PSD3: variants seen among roughly 807,000 people sequenced by gnomAD.
PSD3 encodes PH and SEC7 domain-containing protein 3.
In PSD3, 49 loss-of-function variants were observed where a neutral mutation model predicts 105.5. The ratio of observed to expected loss-of-function variants is 0.46; its 90% confidence interval spans 0.37 to 0.59. The LOEUF is 0.59. Among genes scored for constraint, PSD3 ranks in the 20% least tolerant of loss-of-function variants. The pLI is 0.00. For synonymous variants in PSD3, 557 were observed against 457.8 expected, an observed-to-expected ratio of 1.22 and a Z score of -2.77; for missense variants, 1,561 against 1,263.8, an observed-to-expected ratio of 1.24 and a Z score of -3.57.
intron 1 of PSD3, among the ~76,000 whole-genome samples, chr8:19,046,345 C>T (rs751147785): frequency 6.6e-6 from 1 of 152,008 alleles, no homozygotes; most frequent in Non-Finnish European, 1.5e-5. Flanking sequence ...CTCCTGACCT[C>T]GTGATCTGCC....
intron 4 of PSD3, among the ~76,000 whole-genome samples, chr8:18,847,597 G>A (rs759048645): frequency 2.6e-5 from 4 of 152,198 alleles, no homozygotes; most frequent in Non-Finnish European, 4.4e-5. Context: ...ATTTCGTACC[G>A]TCAAGTAATG....
At chr8:18,708,673 G>A (rs1470256963) in intron 9 of PSD3, among the ~76,000 whole-genome samples, 1 of 152,082 alleles carries the variant, frequency 6.6e-6, no homozygotes, top group Non-Finnish European at 1.5e-5. Flanking sequence ...TAAAAGAAAT[G>A]CTAGTCAAGA....
intron 4 of PSD3, among the ~76,000 whole-genome samples, chr8:18,842,430 T>C (rs909900275): frequency 2.6e-5 from 4 of 152,204 alleles, no homozygotes; most frequent in Non-Finnish European, 2.9e-5. Context: ...GATAAATAGC[T>C]CTCACAAAAT....
intron 10 of PSD3, among the ~76,000 whole-genome samples, chr8:18,654,548 C>A (rs749970813): frequency 1.3e-5 from 2 of 152,090 alleles, no homozygotes; most frequent in Non-Finnish European, 2.9e-5. Context: ...AAATTTTGAA[C>A]TGCTATATTG....
chr8:18,837,167 G>A (rs1467783711), intron 4 of PSD3, among the ~76,000 whole-genome samples: 1 of 151,974 alleles, frequency 6.6e-6, no homozygotes, highest in East Asian at 1.9e-4. Context: ...CCAAAAAGTG[G>A]ATGGCTTATC....
chr8:18,667,776 G>A (rs1309435072), intron 9 of PSD3, among the ~76,000 whole-genome samples: 1 of 152,182 alleles, frequency 6.6e-6, no homozygotes, highest in Non-Finnish European at 1.5e-5. Context: ...GCCCATGGCG[G>A]GGTGGGGGAG....
chr8:18,833,415 G>A (rs1813840716), intron 4 of PSD3, among the ~76,000 whole-genome samples: 1 of 152,162 alleles, frequency 6.6e-6, no homozygotes. Flanking sequence ...CAATAGGCCA[G>A]TACCATTTAT....
intron 4 of PSD3, among the ~76,000 whole-genome samples, chr8:18,853,221 AT>A (rs1196217662): frequency 1.3e-5 from 2 of 152,172 alleles, no homozygotes; most frequent in Admixed American, 1.3e-4. Flanking sequence ...AAATGGCATT[AT>A]AAAAATACTG....
intron 11 of PSD3, among the ~76,000 whole-genome samples, chr8:18,617,842 G>A (rs994762573): frequency 6.6e-6 from 1 of 152,046 alleles, no homozygotes; most frequent in African/African-American, 2.4e-5. Flanking sequence ...ATCACATGAT[G>A]GATAGCAGGT....
intron 9 of PSD3, among the ~76,000 whole-genome samples, chr8:18,685,039 G>C (rs1800590067): frequency 6.6e-6 from 1 of 152,156 alleles, no homozygotes. Context: ...TCCAGATAAA[G>C]GAGGCTTTCG....
At position 18,575,238 on chromosome 8, in the gene PSD3, G is replaced by A. The variant is rs780183111; in HGVS notation, c.2529C>T (p.Asn843=). 21 of 1,612,988 alleles carry A rather than the reference G, an allele frequency of 1.3e-5. No homozygotes were observed. Among genetic ancestry groups the A allele is most frequent in the Middle Eastern group, 1.6e-4 (1 of 6,080 alleles). ...EKALSEEDLK[N]AVSVHHALAS... ...CCAATGCGTGGTGCACACTCACAGC[G>A]TTTTTCAAGTCCTCTTCAGACAAGG... Residue 843 remains asparagine (N), a synonymous_variant, in exon 13 of 16, where the codon AAC becomes AAT. Coordinates refer to ENST00000327040, the MANE Select transcript of PSD3 (RefSeq NM_015310.4).
intron 4 of PSD3, among the ~76,000 whole-genome samples, chr8:18,817,003 A>G (rs1812272126): frequency 6.6e-6 from 1 of 152,206 alleles, no homozygotes; most frequent in Non-Finnish European, 1.5e-5. Flanking sequence ...AGCTATCTTC[A>G]GATCATTTCA....
At chr8:19,005,689 A>G (rs770913808) in intron 1 of PSD3, among the ~76,000 whole-genome samples, 3 of 151,790 alleles carry the variant, frequency 2.0e-5, no homozygotes, top group Non-Finnish European at 4.4e-5. Flanking sequence ...GTCTCACTCT[A>G]TGTTGCCCAG....
chr8:18,843,469 A>G (rs1055123068), intron 4 of PSD3, among the ~76,000 whole-genome samples: 2 of 152,188 alleles, frequency 1.3e-5, no homozygotes, highest in African/African-American at 4.8e-5. Context: ...CCTTCATATA[A>G]CGAAGTAATA....
chr8:18,679,730 T>A (rs1363610858), intron 9 of PSD3, among the ~76,000 whole-genome samples: 1 of 152,192 alleles, frequency 6.6e-6, no homozygotes. Context: ...GGATGCGGCA[T>A]CCTGACTGAG....
At position 18,648,229 on chromosome 8, in the gene PSD3, A is replaced by G. The variant is rs186249890; in HGVS notation, c.2216+7413T>C. ...TCAGAAGATGACAGGAAGATGAGGG[A>G]AAGTTTGAGACTTCCTAGAGGCTTC... is the stretch of plus-strand genomic sequence containing the variant. On this transcript the variant is annotated intron_variant, in intron 10 of 15. Transcript: ENST00000327040. 7.9e-4 allele frequency among the ~76,000 whole-genome samples: 120 copies of G among 152,330 alleles called. 2 individuals carry two copies. The East Asian group carries it at 9.4e-3, about 12-fold the overall frequency.
intron 1 of PSD3, among the ~76,000 whole-genome samples, chr8:19,050,600 A>G (rs1828494865): frequency 6.6e-6 from 1 of 151,934 alleles, no homozygotes; most frequent in South Asian, 2.1e-4. Context: ...AAAACCAAAC[A>G]CCGCATATTC....
At chr8:18,869,048 T>C (rs1193442535) in intron 3 of PSD3, among the ~76,000 whole-genome samples, 2 of 152,188 alleles carry the variant, frequency 1.3e-5, no homozygotes, top group Non-Finnish European at 2.9e-5. Context: ...AATTGGTTTG[T>C]TGTTTTTAAA....
At chr8:18,894,724 C>T (rs899601953) in intron 2 of PSD3, among the ~76,000 whole-genome samples, 3 of 152,144 alleles carry the variant, frequency 2.0e-5, no homozygotes, top group African/African-American at 4.8e-5. Context: ...GCTACATTCG[C>T]ATCTGTCTTG....
Sources: gnomAD v4.1 joint callset for allele counts (sites outside exome capture counted in the v4.1 genomes callset) on GRCh38, gnomAD v4.1.1 for gene constraint, MANE v1.5 for transcripts, NCBI Gene and HGNC (gene_info 2026-07-23, HGNC 2026-07-21) for gene names.